Variants in FHL5 observed in about 807,000 individuals in gnomAD.
The protein encoded by FHL5 is four and a half LIM domains protein 5.
In FHL5, 33 loss-of-function variants were observed where a neutral mutation model predicts 32.0. The observed-to-expected ratio is 1.03, with a 90% CI of 0.78 to 1.38. The LOEUF (loss-of-function observed/expected upper bound fraction) is 1.38. Ranked by LOEUF, FHL5 falls within the 40% of genes most tolerant of loss-of-function variation. The pLI, the probability that FHL5 is intolerant of heterozygous loss-of-function variation, is 0.00. For synonymous variants in FHL5, 114 were observed against 113.6 expected (o/e 1.00, Z -0.02); for missense variants, 336 against 343.9 (o/e 0.98, Z 0.18).
intron 1 of FHL5, among the ~76,000 whole-genome samples, chr6:96,596,297 CA>C (rs1771032245): frequency 6.6e-6 from 1 of 152,056 alleles, no homozygotes; most frequent in Admixed American, 6.6e-5. Context: ...TTCGGCAACA[CA>C]TTTTATTTTG....
At chr6:96,606,369 T>G (rs981353368) in intron 4 of FHL5, among the ~76,000 whole-genome samples, 14 of 152,250 alleles carry the variant, frequency 9.2e-5, no homozygotes, top group South Asian at 2.1e-4. Flanking sequence ...TTTATTTTTT[T>G]GGGATGGAAT....
intron 1 of FHL5, among the ~76,000 whole-genome samples, chr6:96,566,809 T>A (rs893602922): frequency 1.3e-5 from 2 of 151,994 alleles, no homozygotes; most frequent in African/African-American, 2.4e-5. Flanking sequence ...TTTAGAGAGA[T>A]GTCTATTCAG....
At chr6:96,599,191 C>CTTTT (rs67400814) in intron 1 of FHL5, among the ~76,000 whole-genome samples, 6 of 111,552 alleles carry the variant, frequency 5.4e-5, no homozygotes, top group Non-Finnish European at 8.9e-5. Context: ...GAACTTACAT[C>CTTTT]TTTTTTTTTT....
chr6:96,611,622 A>G (rs1029258694), intron 5 of FHL5, among the ~76,000 whole-genome samples: 3 of 152,196 alleles, frequency 2.0e-5, no homozygotes, highest in African/African-American at 4.8e-5. Flanking sequence ...AACATATTTC[A>G]ATTTTTAGTT....
chr6:96,572,396 T>A (rs759018523), intron 1 of FHL5, among the ~76,000 whole-genome samples: 8 of 152,018 alleles, frequency 5.3e-5, no homozygotes, highest in Non-Finnish European at 8.8e-5. Flanking sequence ...GGGGAGGAGT[T>A]GGTAGAGCAA....
intron 1 of FHL5, among the ~76,000 whole-genome samples, chr6:96,578,735 C>T (rs931161283): frequency 2.0e-5 from 3 of 151,824 alleles, no homozygotes; most frequent in Admixed American, 6.6e-5. Context: ...CCAGCTACTC[C>T]GGAGGCTGAG....
At chr6:96,604,111 G>C (rs949517275) in intron 2 of FHL5, among the ~76,000 whole-genome samples, 1 of 152,090 alleles carries the variant, frequency 6.6e-6, no homozygotes, top group Non-Finnish European at 1.5e-5. Flanking sequence ...AATGACAAGG[G>C]TATAAATAAA....
intron 5 of FHL5, among the ~76,000 whole-genome samples, chr6:96,612,509 A>G (rs1035066534): frequency 6.6e-6 from 1 of 152,186 alleles, no homozygotes; most frequent in African/African-American, 2.4e-5. Flanking sequence ...CTGGTATATC[A>G]CAGATTCATG....
At chr6:96,567,834 T>G (rs1371522361) in intron 1 of FHL5, among the ~76,000 whole-genome samples, 2 of 149,308 alleles carry the variant, frequency 1.3e-5, no homozygotes, top group Non-Finnish European at 3.0e-5. Flanking sequence ...TCTTTTTTTT[T>G]TTTTTTTTGT....
chr6:96,603,862 A>T, intron 2 of FHL5, 90 bp downstream of exon 2: 1 of 1,013,888 alleles, frequency 9.9e-7, no homozygotes, highest in East Asian at 2.4e-5. Flanking sequence ...TTGACTTTCA[A>T]CACTATTTCT....
chr6:96,592,217 G>A (rs927035274), intron 1 of FHL5, among the ~76,000 whole-genome samples: 1 of 152,070 alleles, frequency 6.6e-6, no homozygotes, highest in Non-Finnish European at 1.5e-5. Flanking sequence ...CTACAGTCTT[G>A]ACCATAGAAG....
At chr6:96,603,571 T>C in intron 1 of FHL5, 31 bp from the exon 2 acceptor site, 2 of 1,546,698 alleles carry the variant, frequency 1.3e-6, no homozygotes, top group Non-Finnish European at 1.8e-6. Context: ...AATTCTGCTT[T>C]TATATACATT....
chr6:96,597,717 A>G (rs1771064918), intron 1 of FHL5, among the ~76,000 whole-genome samples: 1 of 152,194 alleles, frequency 6.6e-6, no homozygotes, highest in Admixed American at 6.5e-5. Flanking sequence ...TGCAAGTGTC[A>G]TATACAAGTG....
intron 1 of FHL5, among the ~76,000 whole-genome samples, chr6:96,572,876 C>G (rs1274407900): frequency 6.6e-6 from 1 of 152,150 alleles, no homozygotes; most frequent in Non-Finnish European, 1.5e-5. Context: ...CTCTATGTAG[C>G]CATCCTGAGT....
At chr6:96,595,819 TAA>T (rs1280822465) in intron 1 of FHL5, among the ~76,000 whole-genome samples, 1 of 152,032 alleles carries the variant, frequency 6.6e-6, no homozygotes, top group Non-Finnish European at 1.5e-5. Context: ...TTTTTCTATA[TAA>T]TGCTCTCTGT....
chr6:96,600,678 G>C (rs946052093), intron 1 of FHL5, among the ~76,000 whole-genome samples: 4 of 151,998 alleles, frequency 2.6e-5, no homozygotes, highest in Admixed American at 1.3e-4. Flanking sequence ...ACACTATTTG[G>C]ATGTATTCAA....
chr6:96,613,237 T>C (rs1771450170), intron 5 of FHL5, among the ~76,000 whole-genome samples: 1 of 152,174 alleles, frequency 6.6e-6, no homozygotes, highest in Non-Finnish European at 1.5e-5. Flanking sequence ...TATTTGTCAA[T>C]TAAGATTAAT....
intron 1 of FHL5, among the ~76,000 whole-genome samples, chr6:96,575,194 G>A (rs211160): frequency 0.25 from 38,459 of 151,910 alleles, 7,402 homozygotes; most frequent in African/African-American, 0.55. Flanking sequence ...TCCTCTCCCC[G>A]TCTCTCAATA....
At chr6:96,613,806 A>T (rs1771462017) in intron 5 of FHL5, among the ~76,000 whole-genome samples, 1 of 152,150 alleles carries the variant, frequency 6.6e-6, no homozygotes, top group Admixed American at 6.5e-5. Context: ...CTCACTTCTC[A>T]GTTTTTGTCT....
Sources: allele counts gnomAD v4.1 joint callset (sites outside exome capture counted in the v4.1 genomes callset), GRCh38; gene constraint gnomAD v4.1.1; transcripts MANE v1.5; gene names NCBI Gene and HGNC (gene_info 2026-07-23, HGNC 2026-07-21).